The following EFCAB11 variants were observed in gnomAD, a reference collection of about 807,000 sequenced individuals.
The protein encoded by EFCAB11 is EF-hand calcium binding domain 11.
EFCAB11 carries 14 observed loss-of-function variants against 23.0 expected under a neutral mutation model. That is an observed-to-expected ratio of 0.61 (90% CI 0.40 to 0.95). EFCAB11 has a LOEUF of 0.95. Ranked by LOEUF, EFCAB11 falls within the 40% of genes least tolerant of loss-of-function variation. The probability of loss-of-function intolerance (pLI) is 0.00; values close to 1 mark genes in which losing one functional copy is unlikely to be tolerated. For missense variants in EFCAB11, 198 were observed against 195.8 expected (o/e 1.01, Z -0.07); for synonymous variants, 65 against 66.6 (o/e 0.98, Z 0.11).
chr14:89,954,018 A>G lies in EFCAB11; in HGVS notation c.76-17T>C, dbSNP rs1479398903. The stretch of plus-strand genomic sequence containing the variant: ...TTTAAATACCTGAAGAACATTAAAT[A>G]GCTTTAGTTAATGAGACAGAAATGG... On this transcript the variant is annotated splice_polypyrimidine_tract_variant and intron_variant, in intron 1 of 5. Transcript: ENST00000316738. The G allele has an allele frequency of 1.3e-6, 2 of 1,595,118 alleles. No individual in the cohort carries two copies. Among genetic ancestry groups the G allele is most frequent in the Non-Finnish European group, 1.7e-6 (2 of 1,165,574 alleles).
chr14:89,820,037 T>C (rs551598353), intron 5 of EFCAB11, among the ~76,000 whole-genome samples: 363 of 152,198 alleles, frequency 2.4e-3, no homozygotes, highest in Non-Finnish European at 4.2e-3. Context: ...ACATAATACA[T>C]ATAAAGACCA....
intron 5 of EFCAB11, among the ~76,000 whole-genome samples, chr14:89,891,363 G>A (rs1447775613): frequency 6.6e-6 from 1 of 151,960 alleles, no homozygotes; most frequent in East Asian, 1.9e-4. Context: ...ATGTAACAGA[G>A]GATTTTAATA....
At chr14:89,821,163 T>C (rs748822738) in intron 5 of EFCAB11, among the ~76,000 whole-genome samples, 10 of 152,054 alleles carry the variant, frequency 6.6e-5, no homozygotes, top group South Asian at 2.1e-4. Flanking sequence ...TGCTGGGCAG[T>C]GATTAACATT....
chr14:89,812,367 T>C (rs1398102301), intron 5 of EFCAB11, among the ~76,000 whole-genome samples: 1 of 152,208 alleles, frequency 6.6e-6, no homozygotes, highest in Non-Finnish European at 1.5e-5. Flanking sequence ...CTGAACATTG[T>C]AAAGATGCCA....
chr14:89,938,911 C>T (rs1183255687), intron 3 of EFCAB11, among the ~76,000 whole-genome samples: 1 of 150,916 alleles, frequency 6.6e-6, no homozygotes, highest in African/African-American at 2.4e-5. Context: ...TGCACTCCAG[C>T]CTGGGCAACA....
At chr14:89,835,132 A>G (rs1367513345) in intron 5 of EFCAB11, among the ~76,000 whole-genome samples, 1 of 152,238 alleles carries the variant, frequency 6.6e-6, no homozygotes, top group African/African-American at 2.4e-5. Flanking sequence ...AAAATGGGGC[A>G]GGAGCCTGAG....
intron 5 of EFCAB11, among the ~76,000 whole-genome samples, chr14:89,861,198 T>G (rs1055971235): frequency 6.6e-5 from 10 of 152,334 alleles, no homozygotes; most frequent in Admixed American, 5.2e-4. Flanking sequence ...ACACTTCTCT[T>G]TCTCACCATC....
chr14:89,822,533 T>C (rs531653404), intron 5 of EFCAB11, among the ~76,000 whole-genome samples: 1 of 152,058 alleles, frequency 6.6e-6, no homozygotes, highest in African/African-American at 2.4e-5. Context: ...AGGCTGAGAG[T>C]CTAGAATTTG....
At chr14:89,827,861 G>A (rs1403098009) in intron 5 of EFCAB11, among the ~76,000 whole-genome samples, 3 of 152,026 alleles carry the variant, frequency 2.0e-5, no homozygotes, top group Non-Finnish European at 4.4e-5. Context: ...TCGAACTCCC[G>A]ACCTCAGGTG....
chr14:89,904,635 CTGT>C (rs1889440511), intron 5 of EFCAB11, among the ~76,000 whole-genome samples: 1 of 152,136 alleles, frequency 6.6e-6, no homozygotes. Flanking sequence ...TCTCCAGCAT[CTGT>C]TGTTTCCTGA....
At chr14:89,850,138 A>G (rs890289710) in intron 5 of EFCAB11, among the ~76,000 whole-genome samples, 4 of 152,128 alleles carry the variant, frequency 2.6e-5, no homozygotes, top group Non-Finnish European at 5.9e-5. Flanking sequence ...GCAGTGATGC[A>G]AACTTCACAT....
chr14:89,906,618 T>G (rs1182164431), intron 5 of EFCAB11, among the ~76,000 whole-genome samples: 4 of 152,218 alleles, frequency 2.6e-5, no homozygotes, highest in African/African-American at 4.8e-5. Context: ...TTGTGTGTGA[T>G]TTAATGATAA....
chr14:89,952,605 T>C (rs7153551), intron 2 of EFCAB11: 35,593 of 985,304 alleles, frequency 0.036, 2,759 homozygotes, highest in African/African-American at 0.3. Context: ...GAGCTGTTCA[T>C]GCAACCTACT....
At chr14:89,840,359 G>A (rs887801862) in intron 5 of EFCAB11, among the ~76,000 whole-genome samples, 1 of 152,124 alleles carries the variant, frequency 6.6e-6, no homozygotes, top group Non-Finnish European at 1.5e-5. Flanking sequence ...TTTGTACTTT[G>A]CATAATTAAC....
chr14:89,815,549 CTT>C (rs977885932), intron 5 of EFCAB11, among the ~76,000 whole-genome samples: 1 of 151,918 alleles, frequency 6.6e-6, no homozygotes, highest in Admixed American at 6.6e-5. Flanking sequence ...GCCTCAGCCT[CTT>C]GAGTAGCTGG....
intron 5 of EFCAB11, among the ~76,000 whole-genome samples, chr14:89,889,435 A>G (rs937672163): frequency 3.9e-5 from 6 of 152,238 alleles, no homozygotes; most frequent in African/African-American, 1.2e-4. Flanking sequence ...TGAAACGAGT[A>G]AAGGGCTTAG....
rs1228164500 is a variant in EFCAB11 at position 89,953,953 on chromosome 14, C to G, written c.124G>C (p.Asp42His). 2 of 1,613,662 alleles carry G rather than the reference C, an allele frequency of 1.2e-6. No homozygotes were observed. Among genetic ancestry groups the G allele is most frequent in the South Asian group, 1.1e-5 (1 of 91,074 alleles). ...AGCATTACAACAGCAGTTTTAAAGT[C>G]CTCTCTGCTGAGATATCCTTTGTGA... is the stretch of plus-strand genomic sequence containing the variant. Reference protein sequence around the residue: ...EDHKGYLSREDFKTAVVMLFG... With the variant: ...EDHKGYLSREHFKTAVVMLFG... The change falls in exon 2 of 6, where the codon GAC becomes CAC. Residue 42 changes from aspartate to histidine, a missense_variant. Coordinates refer to ENST00000316738, the MANE Select transcript of EFCAB11 (RefSeq NM_145231.4).
chr14:89,862,033 C>T (rs543896153), intron 5 of EFCAB11, among the ~76,000 whole-genome samples: 1 of 152,332 alleles, frequency 6.6e-6, no homozygotes, highest in East Asian at 1.9e-4. Flanking sequence ...TCTCCTTCCA[C>T]AGTGAATTTT....
intron 3 of EFCAB11, among the ~76,000 whole-genome samples, chr14:89,943,117 G>A (rs1431757992): frequency 1.3e-5 from 2 of 152,144 alleles, no homozygotes; most frequent in African/African-American, 2.4e-5. Flanking sequence ...TTAGAGCCCT[G>A]TTCCGAAGTA....
Sources: allele counts gnomAD v4.1 joint callset (sites outside exome capture counted in the v4.1 genomes callset), GRCh38; gene constraint gnomAD v4.1.1; transcripts MANE v1.5; gene names NCBI Gene and HGNC (gene_info 2026-07-23, HGNC 2026-07-21).